Variants in SNAPC5 observed in about 807,000 individuals in gnomAD.
SNAPC5 encodes the protein snRNA-activating protein complex subunit 5.
SNAPC5 carries 12 observed loss-of-function variants against 9.1 expected under a neutral mutation model. The observed-to-expected ratio is 1.32, with a 90% CI of 0.85 to 2.15. The LOEUF (loss-of-function observed/expected upper bound fraction) is 2.15, where lower values mean the gene tolerates loss of function less well. Ranked by LOEUF, SNAPC5 falls within the 30% of genes most tolerant of loss-of-function variation. The pLI is 0.00. For missense variants in SNAPC5, 132 were observed against 114.4 expected (o/e 1.15, Z -0.70); for synonymous variants, 52 against 47.3 (o/e 1.10, Z -0.41).
downstream of SNAPC5, chr15:66,490,329 G>A: frequency 1.4e-6 from 1 of 710,256 alleles, no homozygotes; most frequent in African/African-American, 1.7e-5. Context: ...GTGACTGGTG[G>A]AGCAGGTCTT....
At chr15:66,490,953 G>T, downstream of SNAPC5, 1 of 441,946 alleles carries the variant, frequency 2.3e-6, no homozygotes, top group South Asian at 2.3e-5. Context: ...CTCCATGACT[G>T]GCTGTCTGCC....
At chr15:66,495,455 A>G in intron 1 of SNAPC5, 36 bp from the exon 2 acceptor site, 2 of 1,155,858 alleles carry the variant, frequency 1.7e-6, no homozygotes, top group Non-Finnish European at 2.6e-6. Flanking sequence ...TTTCCTTACT[A>G]TTTCACTGGA....
chr15:66,494,658 C>A, intron 2 of SNAPC5, 106 bp from the exon 3 acceptor site: 1 of 778,714 alleles, frequency 1.3e-6, no homozygotes, highest in Non-Finnish European at 2.2e-6. Flanking sequence ...TATCTATCCC[C>A]AGTACTTATG....
At chr15:66,497,564 C>CA in intron 1 of SNAPC5, 78 bp downstream of exon 1, 1 of 1,296,674 alleles carries the variant, frequency 7.7e-7, no homozygotes, top group Non-Finnish European at 1.1e-6. Context: ...AGCAGGTGGT[C>CA]ACCACAGAGG....
chr15:66,490,213 CTT>C, downstream of SNAPC5: 1 of 564,590 alleles, frequency 1.8e-6, no homozygotes, highest in Non-Finnish European at 3.2e-6. Context: ...CCATCATTTT[CTT>C]TGTCCCTTCT....
chr15:66,494,566 G>A lies in SNAPC5; in HGVS notation c.181-14C>T. 6.4e-7 allele frequency: 1 copy of A among 1,572,304 alleles called. No individual in the cohort carries two copies. The highest frequency in any genetic ancestry group is 8.7e-7 in the Non-Finnish European group (1 of 1,145,300). ...ATGCACCAACATCTGTATTGGCCAA[G>A]GGCATCACAGATTAGCAGGAAAGAT... On this transcript the variant is annotated splice_polypyrimidine_tract_variant and intron_variant, in intron 2 of 2. Transcript: ENST00000316634.
chr15:66,495,266 C>T (rs1293104707), intron 2 of SNAPC5, 64 bp downstream of exon 2: 2 of 958,404 alleles, frequency 2.1e-6, no homozygotes, highest in East Asian at 4.8e-5. Flanking sequence ...CTTCACCACC[C>T]AAGCAGCATG....
At chr15:66,495,735 CAGAGAGAG>C (rs71819220) in intron 1 of SNAPC5, among the ~76,000 whole-genome samples, 22 of 151,836 alleles carry the variant, frequency 1.4e-4, no homozygotes, top group African/African-American at 5.3e-4. Context: ...TCTGATTCCT[CAGAGAGAG>C]AGATTCCCTG....
chr15:66,497,622 G>A lies in SNAPC5; in HGVS notation c.90+20C>T. 1 of 1,610,876 alleles carries A rather than the reference G, an allele frequency of 6.2e-7. No homozygotes were observed. Among genetic ancestry groups the A allele is most frequent in the Non-Finnish European group, 8.5e-7 (1 of 1,176,984 alleles). Reference sequence around the variant, plus strand: ...GCTCGGGAGGAATGGAGGAGGGGCAGGAGAGGGCCGCGGGGTCACCTTGAG... The same window carrying A: ...GCTCGGGAGGAATGGAGGAGGGGCAAGAGAGGGCCGCGGGGTCACCTTGAG... On this transcript the variant is annotated intron_variant, in intron 1 of 2. Transcript: ENST00000316634.
At chr15:66,492,989 C>A (rs937671764), downstream of SNAPC5, among the ~76,000 whole-genome samples, 7 of 152,134 alleles carry the variant, frequency 4.6e-5, no homozygotes, top group Admixed American at 3.9e-4. Context: ...AAATTAGACC[C>A]CCAAAATTTA....
chr15:66,490,104 G>A (rs993626261), downstream of SNAPC5: 13 of 527,088 alleles, frequency 2.5e-5, no homozygotes, highest in East Asian at 1.4e-4. Flanking sequence ...GTCACTCTCC[G>A]CCTGCTGTCT....
chr15:66,491,995 T>G (rs1250540057), downstream of SNAPC5: 1 of 456,600 alleles, frequency 2.2e-6, no homozygotes, highest in Non-Finnish European at 4.4e-6. Flanking sequence ...GTGGCCAGCT[T>G]GCCTACCTGG....
intron 2 of SNAPC5, among the ~76,000 whole-genome samples, 156 bp from the exon 3 acceptor site, chr15:66,494,708 C>T (rs1893370465): frequency 6.6e-6 from 1 of 152,210 alleles, no homozygotes; most frequent in African/African-American, 2.4e-5. Context: ...ACCCCCACCT[C>T]CATTACCAAA....
At chr15:66,492,582 T>C (rs976674573), downstream of SNAPC5, among the ~76,000 whole-genome samples, 2 of 152,228 alleles carry the variant, frequency 1.3e-5, no homozygotes, top group Admixed American at 6.5e-5. Flanking sequence ...ACTGAGAATG[T>C]TTCATTAAAA....
downstream of SNAPC5, chr15:66,492,118 G>T (rs1256719592): frequency 4.4e-6 from 2 of 453,002 alleles, no homozygotes; most frequent in Non-Finnish European, 8.9e-6. Flanking sequence ...AAGGAGGAAT[G>T]TGCCTGGCGC....
chr15:66,492,194 A>C, downstream of SNAPC5: 2 of 376,362 alleles, frequency 5.3e-6, no homozygotes, highest in Non-Finnish European at 1.1e-5. Flanking sequence ...TTTTAGGTAC[A>C]TTTGAGGCTG....
At chr15:66,496,614 C>T (rs1196525624) in intron 1 of SNAPC5, among the ~76,000 whole-genome samples, 1 of 151,842 alleles carries the variant, frequency 6.6e-6, no homozygotes, top group Non-Finnish European at 1.5e-5. Context: ...GCTTTGACCA[C>T]CTGGACTTTG....
chr15:66,494,331 C>G lies in SNAPC5; in HGVS notation c.*105G>C, dbSNP rs768627958. On this transcript the variant is annotated 3_prime_UTR_variant, in exon 3 of 3. Coordinates refer to ENST00000316634, the MANE Select transcript of SNAPC5 (RefSeq NM_001329615.2). ...CTCCTTATAGTTCTTGCTTTCCTTT[C>G]AAGCAGATCACAGGGCCCAGGGCAA... 1.8e-5 allele frequency: 14 copies of G among 768,376 alleles called. No homozygotes were observed. Among genetic ancestry groups the G allele is most frequent in the Non-Finnish European group, 2.2e-5 (10 of 458,908 alleles). The allele number at this position is 768,376 out of a possible 1,614,324, so 47.6% of individuals were successfully genotyped here. A position where few individuals can be genotyped will look rare whatever the true frequency, so the allele number is the denominator to read the frequency against.
Position 66,494,225 on chromosome 15 carries a change from A to C in SNAPC5, c.*211T>G. 1 of 598,300 alleles carries C rather than the reference A, an allele frequency of 1.7e-6. No individual in the cohort carries two copies. The highest frequency in any genetic ancestry group is 3.0e-6 in the Non-Finnish European group (1 of 330,484). The allele number at this position is 598,300 out of a possible 1,614,324, so 37.1% of individuals were successfully genotyped here. A position where few individuals can be genotyped will look rare whatever the true frequency, so the allele number is the denominator to read the frequency against. The stretch of plus-strand genomic sequence containing the variant: ...ACCACCCATATTACTCAATGCTAAG[A>C]CACAGCATCTTTGATTTTCTGTATG... On this transcript the variant is annotated 3_prime_UTR_variant, in exon 3 of 3. Coordinates refer to ENST00000316634, the MANE Select transcript of SNAPC5 (RefSeq NM_001329615.2).
Sources: gnomAD v4.1 joint callset for allele counts (sites outside exome capture counted in the v4.1 genomes callset) on GRCh38, gnomAD v4.1.1 for gene constraint, MANE v1.5 for transcripts, NCBI Gene and HGNC (gene_info 2026-07-23, HGNC 2026-07-21) for gene names.